Variants in PCDHA1 observed in about 807,000 individuals in gnomAD.
The protein encoded by PCDHA1 is protocadherin alpha-1.
A neutral mutation model predicts 61.3 loss-of-function variants in PCDHA1; 42 were observed. That is an observed-to-expected ratio of 0.69 (90% CI 0.54 to 0.89). The LOEUF (loss-of-function observed/expected upper bound fraction) is 0.89. Among genes scored for constraint, PCDHA1 ranks in the 40% least tolerant of loss-of-function variants. The pLI is 0.00. For missense variants in PCDHA1, 1,256 were observed against 1,235.3 expected, an observed-to-expected ratio of 1.02 and a Z score of -0.25; for synonymous variants, 610 against 553.8, an observed-to-expected ratio of 1.10 and a Z score of -1.43.
chr5:140,854,522 C>T (rs1554147313), intron 1 of PCDHA1: 1 of 149,908 alleles, frequency 6.7e-6, no homozygotes. Flanking sequence ...GATTAAGTGA[C>T]ACCCATTTCT....
chr5:140,849,790 C>A (rs2150450402), intron 1 of PCDHA1: 2 of 1,598,236 alleles, frequency 1.3e-6, no homozygotes, highest in Admixed American at 3.4e-5. Context: ...GACGGGGGCT[C>A]GCCTTCACTG....
chr5:140,840,691 C>T (rs886762733), intron 1 of PCDHA1, among the ~76,000 whole-genome samples: 1 of 151,924 alleles, frequency 6.6e-6, no homozygotes, highest in Non-Finnish European at 1.5e-5. Context: ...GTAAATAAAA[C>T]GGTTCAGGCA....
intron 1 of PCDHA1, among the ~76,000 whole-genome samples, chr5:140,819,487 A>G (rs1766570415): frequency 1.3e-5 from 2 of 152,164 alleles, no homozygotes; most frequent in South Asian, 4.1e-4. Flanking sequence ...ATGCTTAAAC[A>G]TGACTGAAAT....
At chr5:140,941,634 T>G (rs2093133728) in intron 1 of PCDHA1, among the ~76,000 whole-genome samples, 1 of 152,074 alleles carries the variant, frequency 6.6e-6, no homozygotes, top group South Asian at 2.1e-4. Context: ...TCTTAATTTC[T>G]GTCTTCCTAC....
chr5:141,000,651 C>G (rs1325110453), intron 3 of PCDHA1, among the ~76,000 whole-genome samples: 2 of 151,708 alleles, frequency 1.3e-5, no homozygotes, highest in African/African-American at 4.8e-5. Flanking sequence ...TGGTCTCGAA[C>G]TCCTGACCTC....
chr5:140,977,681 A>G (rs1363970729), intron 1 of PCDHA1, among the ~76,000 whole-genome samples: 2 of 152,208 alleles, frequency 1.3e-5, no homozygotes, highest in African/African-American at 4.8e-5. Context: ...AATATCATGT[A>G]GCCATCCAGA....
At chr5:140,897,518 T>A (rs2066160092) in intron 1 of PCDHA1, among the ~76,000 whole-genome samples, 2 of 152,260 alleles carry the variant, frequency 1.3e-5, no homozygotes, top group Admixed American at 1.3e-4. Context: ...GGACATGAAC[T>A]CATCATTTTT....
chr5:140,880,168 T>A (rs1287992545), intron 1 of PCDHA1, among the ~76,000 whole-genome samples: 1 of 152,084 alleles, frequency 6.6e-6, no homozygotes, highest in East Asian at 1.9e-4. Flanking sequence ...ATGTTAGAAG[T>A]TAAACATGAA....
At chr5:140,812,642 A>G (rs1178933348) in intron 1 of PCDHA1, 2 of 152,060 alleles carry the variant, frequency 1.3e-5, no homozygotes, top group Non-Finnish European at 2.9e-5. Context: ...TTTCATGTTT[A>G]AGAGACAAGA....
chr5:140,970,473 CA>C (rs1177454514), intron 1 of PCDHA1, among the ~76,000 whole-genome samples: 4 of 151,956 alleles, frequency 2.6e-5, no homozygotes, highest in African/African-American at 9.7e-5. Flanking sequence ...GGTATAAGGC[CA>C]GCTTGTTCAT....
At chr5:140,833,622 A>T (rs2150209848) in intron 1 of PCDHA1, among the ~76,000 whole-genome samples, 1 of 152,190 alleles carries the variant, frequency 6.6e-6, no homozygotes, top group East Asian at 1.9e-4. Context: ...AATTCAGAAT[A>T]CTTCCTCCTC....
intron 1 of PCDHA1, chr5:140,871,578 G>A (rs1554165764): frequency 6.8e-7 from 1 of 1,474,340 alleles, no homozygotes; most frequent in Admixed American, 2.6e-5. Context: ...TTTTTTAAGG[G>A]AAAGTTTTAT....
At chr5:140,926,906 G>T in intron 1 of PCDHA1, 1 of 1,559,584 alleles carries the variant, frequency 6.4e-7, no homozygotes, top group Non-Finnish European at 8.7e-7. Context: ...GTGGGCTGTG[G>T]GGTGGCAGTT....
intron 1 of PCDHA1, chr5:140,809,441 C>T (rs1554125216): frequency 1.2e-6 from 2 of 1,614,208 alleles, no homozygotes; most frequent in South Asian, 1.1e-5. Context: ...GTCATACTCG[C>T]AGCAGAGGAG....
chr5:140,878,848 G>T (rs1477391344), intron 1 of PCDHA1, among the ~76,000 whole-genome samples: 1 of 152,138 alleles, frequency 6.6e-6, no homozygotes, highest in Non-Finnish European at 1.5e-5. Context: ...GAACTTCTGG[G>T]TTCAACTGAT....
At chr5:140,895,922 T>G (rs1301725770) in intron 1 of PCDHA1, among the ~76,000 whole-genome samples, 1 of 152,190 alleles carries the variant, frequency 6.6e-6, no homozygotes, top group African/African-American at 2.4e-5. Context: ...ACAATTATCC[T>G]GCCTCAGCCT....
chr5:140,833,764 A>ACACACG (rs564524139), intron 1 of PCDHA1, among the ~76,000 whole-genome samples: 1 of 151,920 alleles, frequency 6.6e-6, no homozygotes, highest in African/African-American at 2.4e-5. Flanking sequence ...ACACACACAC[A>ACACACG]CACCGCTTTC....
At chr5:140,988,545 T>C (rs1164667441) in intron 3 of PCDHA1, among the ~76,000 whole-genome samples, 1 of 152,150 alleles carries the variant, frequency 6.6e-6, no homozygotes, top group African/African-American at 2.4e-5. Context: ...ATTCATGACT[T>C]TCTTCATCTT....
At chr5:140,932,413 A>G (rs2088287956) in intron 1 of PCDHA1, among the ~76,000 whole-genome samples, 1 of 151,930 alleles carries the variant, frequency 6.6e-6, no homozygotes, top group Admixed American at 6.6e-5. Flanking sequence ...ATGTTATATT[A>G]GTGTATTGTT....
Sources: gnomAD v4.1 joint callset for allele counts (sites outside exome capture counted in the v4.1 genomes callset) on GRCh38, gnomAD v4.1.1 for gene constraint, MANE v1.5 for transcripts, NCBI Gene and HGNC (gene_info 2026-07-23, HGNC 2026-07-21) for gene names.